The following ESF1 variants were observed in gnomAD, a reference collection of about 807,000 sequenced individuals.
ESF1 encodes the protein ESF1 nucleolar pre-rRNA processing protein.
A neutral mutation model predicts 92.0 loss-of-function variants in ESF1; 58 were observed. The observed-to-expected ratio is 0.63, with a 90% CI of 0.51 to 0.78. The LOEUF is 0.78. ESF1 is among the 30% of genes least tolerant of loss of function. The pLI is 0.00. For synonymous variants in ESF1, 321 were observed against 313.7 expected, an observed-to-expected ratio of 1.02 and a Z score of -0.24; for missense variants, 922 against 989.1, an observed-to-expected ratio of 0.93 and a Z score of 0.91.
chr20:13,751,227 GACAGTTAGAAT>G (rs1426268743), intron 9 of ESF1, among the ~76,000 whole-genome samples: 1 of 152,182 alleles, frequency 6.6e-6, no homozygotes, highest in Non-Finnish European at 1.5e-5. Context: ...TTACTAGCCA[GACAGTTAGAAT>G]ACAGATAGAA....
At position 13,782,384 on chromosome 20, in the gene ESF1, T is replaced by C. The variant is rs1980229976; in HGVS notation, c.637+120A>G. On this transcript the variant is annotated intron_variant, in intron 2 of 13. Coordinates refer to ENST00000617257, the MANE Select transcript of ESF1 (RefSeq NM_001276380.2). ...TCTTTTATAGCTTTGTATTTCCAGATAAGCATTTGACCATTCCATAATACT... is the reference window on the plus strand; with the variant it reads ...TCTTTTATAGCTTTGTATTTCCAGACAAGCATTTGACCATTCCATAATACT... 14 of 787,284 alleles carry C rather than the reference T, an allele frequency of 1.8e-5. No individual in the cohort carries two copies. In the South Asian group the frequency reaches 4.8e-4, roughly 27 times the overall value. The allele number at this position is 787,284 out of a possible 1,614,324, so 48.8% of individuals were successfully genotyped here. A position where few individuals can be genotyped will look rare whatever the true frequency, so the allele number is the denominator to read the frequency against.
chr20:13,774,091 T>G (rs950803600), intron 4 of ESF1, among the ~76,000 whole-genome samples: 3 of 150,292 alleles, frequency 2.0e-5, no homozygotes, highest in African/African-American at 7.4e-5. Flanking sequence ...CGAGACTCCA[T>G]CTCAAAAAAA....
intron 9 of ESF1, among the ~76,000 whole-genome samples, chr20:13,738,605 G>C (rs1056617943): frequency 2.6e-5 from 4 of 152,082 alleles, no homozygotes; most frequent in Non-Finnish European, 4.4e-5. Flanking sequence ...ATGAGCCACC[G>C]TGCCCAGCCT....
At chr20:13,728,944 A>C (rs56043440) in intron 10 of ESF1, among the ~76,000 whole-genome samples, 25,753 of 152,166 alleles carry the variant, frequency 0.17, 2,811 homozygotes, top group Non-Finnish European at 0.24. Context: ...CTCCCACCTA[A>C]GTTATTCTGT....
chr20:13,728,247 C>A (rs1450319749), intron 11 of ESF1, 131 bp downstream of exon 11: 2 of 650,708 alleles, frequency 3.1e-6, no homozygotes, highest in Non-Finnish European at 5.3e-6. Context: ...ACAGGACAGA[C>A]TTGCTTATGT....
At chr20:13,737,965 A>G (rs2049986078) in intron 9 of ESF1, among the ~76,000 whole-genome samples, 1 of 152,158 alleles carries the variant, frequency 6.6e-6, no homozygotes, top group Non-Finnish European at 1.5e-5. Flanking sequence ...CGAACAGAGT[A>G]TAAGGATTTT....
intron 9 of ESF1, among the ~76,000 whole-genome samples, chr20:13,747,043 C>A (rs1037039114): frequency 2.0e-5 from 3 of 152,126 alleles, no homozygotes; most frequent in African/African-American, 7.2e-5. Context: ...GAGAAGAAAA[C>A]AGCCTAGGGG....
At chr20:13,730,446 C>T (rs1035912844) in intron 10 of ESF1, among the ~76,000 whole-genome samples, 4 of 149,848 alleles carry the variant, frequency 2.7e-5, no homozygotes, top group African/African-American at 7.4e-5. Flanking sequence ...TGCAATGGCA[C>T]GATCTCGGCT....
chr20:13,763,026 A>C (rs1979273341), intron 8 of ESF1: 1 of 212,966 alleles, frequency 4.7e-6, no homozygotes, highest in South Asian at 5.7e-5. Context: ...ACGCCCGGCT[A>C]ATTTTTTTGT....
intron 4 of ESF1, among the ~76,000 whole-genome samples, chr20:13,773,619 CTCTT>C (rs775849398): frequency 1.3e-4 from 20 of 152,116 alleles, no homozygotes; most frequent in Admixed American, 8.5e-4. Context: ...ATCATATGAA[CTCTT>C]TCTATCTATT....
At chr20:13,728,538 T>C (rs2049917946) in intron 10 of ESF1, 73 bp from the exon 11 acceptor site, 1 of 1,179,718 alleles carries the variant, frequency 8.5e-7, no homozygotes, top group Non-Finnish European at 1.2e-6. Flanking sequence ...CAAGAAAAAC[T>C]ATGCATTTCT....
chr20:13,771,435 G>T lies in ESF1; in HGVS notation c.1299C>A (p.Tyr433Ter). The change falls in exon 6 of 14, where the codon TAC becomes TAA. Residue 433 changes from tyrosine to a stop codon, truncating the protein, a stop_gained. Transcript: ENST00000617257. LOFTEE classifies it high-confidence loss of function. Reference sequence around the variant, plus strand: ...AATCACAGTCTACTACTGCATAATAGTACTTCAGTCGTTTGAATTGATAAT... The same window carrying T: ...AATCACAGTCTACTACTGCATAATATTACTTCAGTCGTTTGAATTGATAAT... ...LRDYQFKRLK[Y>*]YYAVVDCDSP... is the part of the protein sequence containing the mutation. The T allele has an allele frequency of 6.2e-7, 1 of 1,612,964 alleles. No individual in the cohort carries two copies.
chr20:13,772,039 C>T (rs1979709521), intron 5 of ESF1, among the ~76,000 whole-genome samples: 1 of 150,976 alleles, frequency 6.6e-6, no homozygotes, highest in African/African-American at 2.4e-5. Flanking sequence ...GCAAATATAG[C>T]TCCACCTAGT....
chr20:13,732,640 C>G (rs530050727), intron 10 of ESF1, among the ~76,000 whole-genome samples: 1 of 152,148 alleles, frequency 6.6e-6, no homozygotes, highest in South Asian at 2.1e-4. Flanking sequence ...TTTTTTACAA[C>G]TATAAAACAG....
intron 4 of ESF1, among the ~76,000 whole-genome samples, chr20:13,773,613 T>C (rs1317104863): frequency 6.6e-6 from 1 of 152,328 alleles, no homozygotes; most frequent in Non-Finnish European, 1.5e-5. Context: ...TAAGTTATCA[T>C]ATGAACTCTT....
Position 13,732,903 on chromosome 20 carries a change from CTTATTTATTTAT to C in ESF1, c.1950+806_1950+817del, listed in dbSNP as rs59748081. Among the ~76,000 whole-genome samples, 1,140 of 147,394 alleles carry C rather than the reference CTTATTTATTTAT, an allele frequency of 7.7e-3. 21 individuals are homozygous for C. Among genetic ancestry groups the C allele is most frequent in the East Asian group, 0.072 (359 of 4,998 alleles). Reference sequence around the variant, plus strand: ...ACCACATTAACACAGAGGAAATACTCTTATTTATTTATTTATTTATTTATTTATTTATTTATT... The same window carrying C: ...ACCACATTAACACAGAGGAAATACTCTTATTTATTTATTTATTTATTTATT... On this transcript the variant is annotated intron_variant, in intron 10 of 13. Coordinates refer to ENST00000617257, the MANE Select transcript of ESF1 (RefSeq NM_001276380.2).
chr20:13,778,638 C>T (rs1299425744), intron 2 of ESF1, among the ~76,000 whole-genome samples: 5 of 152,060 alleles, frequency 3.3e-5, no homozygotes, highest in African/African-American at 7.2e-5. Context: ...GACAATGGTA[C>T]ACATACCACA....
At chr20:13,771,199 G>T in intron 6 of ESF1, 132 bp downstream of exon 6, 1 of 745,728 alleles carries the variant, frequency 1.3e-6, no homozygotes, top group East Asian at 2.6e-5. Context: ...ATGTTCCATG[G>T]GATAGAGTTA....
intron 10 of ESF1, among the ~76,000 whole-genome samples, chr20:13,729,125 G>C (rs555468201): frequency 1.3e-5 from 2 of 152,216 alleles, no homozygotes; most frequent in South Asian, 4.1e-4. Context: ...CAGGCATGGT[G>C]GTGGGCACCT....
Sources: allele counts gnomAD v4.1 joint callset (sites outside exome capture counted in the v4.1 genomes callset), GRCh38; gene constraint gnomAD v4.1.1; transcripts MANE v1.5; gene names NCBI Gene and HGNC (gene_info 2026-07-23, HGNC 2026-07-21).